Variants in PRKCQ observed in about 807,000 individuals in gnomAD.
PRKCQ encodes the protein protein kinase C theta type.
In PRKCQ, 41 loss-of-function variants were observed where a neutral mutation model predicts 91.2. The ratio of observed to expected loss-of-function variants is 0.45; its 90% CI spans 0.35 to 0.58. The LOEUF (loss-of-function observed/expected upper bound fraction) is 0.58, where lower values mean the gene tolerates loss of function less well. PRKCQ is among the 20% of genes least tolerant of loss of function. The pLI, the probability that PRKCQ is intolerant of heterozygous loss-of-function variation, is 0.00. For missense variants in PRKCQ, 673 were observed against 896.5 expected (o/e 0.75, Z 3.18); for synonymous variants, 307 against 316.9 (o/e 0.97, Z 0.33).
chr10:6,547,126 C>T (rs545701986), intron 1 of PRKCQ, among the ~76,000 whole-genome samples: 5 of 152,232 alleles, frequency 3.3e-5, no homozygotes, highest in South Asian at 4.2e-4. Context: ...CTGCTGGATT[C>T]GGTTTGCCAG....
At chr10:6,533,818 C>T (rs1839478388) in intron 1 of PRKCQ, among the ~76,000 whole-genome samples, 1 of 152,100 alleles carries the variant, frequency 6.6e-6, no homozygotes, top group South Asian at 2.1e-4. Context: ...ACTGTGTCTA[C>T]CAGCTAAAAC....
intron 1 of PRKCQ, among the ~76,000 whole-genome samples, chr10:6,572,497 C>A (rs2005326): frequency 0.47 from 70,955 of 152,036 alleles, 20,245 homozygotes; most frequent in Non-Finnish European, 0.62. Context: ...CAGTTTTCTG[C>A]TCCTGTGTTA....
chr10:6,475,268 T>TC (rs1334830432), intron 12 of PRKCQ, among the ~76,000 whole-genome samples: 1 of 152,196 alleles, frequency 6.6e-6, no homozygotes, highest in East Asian at 1.9e-4. Flanking sequence ...TCCCAGCCCC[T>TC]CTGCCTGTAA....
chr10:6,552,989 T>C (rs771864257), intron 1 of PRKCQ, among the ~76,000 whole-genome samples: 8 of 152,138 alleles, frequency 5.3e-5, no homozygotes, highest in Non-Finnish European at 1.5e-5. Context: ...GCAAAAAACA[T>C]TGAAAAAAAG....
intron 1 of PRKCQ, among the ~76,000 whole-genome samples, chr10:6,566,701 C>A (rs551039864): frequency 3.3e-5 from 5 of 152,082 alleles, no homozygotes; most frequent in African/African-American, 1.2e-4. Flanking sequence ...TCGATTACTG[C>A]AAGAAAACAG....
At chr10:6,431,019 A>G (rs1588642682) in intron 16 of PRKCQ, 81 bp from the exon 17 acceptor site, 1 of 1,509,312 alleles carries the variant, frequency 6.6e-7, no homozygotes, top group African/African-American at 1.4e-5. Context: ...TTCCTGGTGC[A>G]CCAGCCCCTT....
intron 1 of PRKCQ, among the ~76,000 whole-genome samples, chr10:6,572,233 TTTTTA>T (rs1379188962): frequency 2.6e-5 from 4 of 152,164 alleles, no homozygotes; most frequent in Non-Finnish European, 4.4e-5. Context: ...TTAATTTTTA[TTTTTA>T]TTTTAAGTTC....
the PRKCQ span, among the ~76,000 whole-genome samples, chr10:6,397,912 C>T: frequency 2.0e-5 from 3 of 151,964 alleles, no homozygotes; most frequent in South Asian, 2.1e-4. Context: ...GCAACAAGCA[C>T]GAGACTCCGT....
intron 1 of PRKCQ, among the ~76,000 whole-genome samples, chr10:6,543,324 C>A (rs1839836889): frequency 6.6e-6 from 1 of 152,214 alleles, no homozygotes; most frequent in Non-Finnish European, 1.5e-5. Flanking sequence ...CACAGGCTTC[C>A]CTTAGCTTTC....
intron 4 of PRKCQ, among the ~76,000 whole-genome samples, chr10:6,505,518 TTTTC>T (rs71391844): frequency 0.14 from 15,697 of 110,604 alleles, 1,136 homozygotes; most frequent in Middle Eastern, 0.28. Context: ...CCTTCCTTCC[TTTTC>T]TTTCTTTCTT....
intron 1 of PRKCQ, 121 bp from the exon 2 acceptor site, chr10:6,515,265 T>C (rs1838702637): frequency 6.5e-7 from 1 of 1,549,416 alleles, no homozygotes; most frequent in East Asian, 2.4e-5. Context: ...AGGTCCACTA[T>C]CCATGTGAAC....
chr10:6,568,799 GT>G (rs1588433947), intron 1 of PRKCQ, among the ~76,000 whole-genome samples: 1 of 152,058 alleles, frequency 6.6e-6, no homozygotes, highest in Non-Finnish European at 1.5e-5. Flanking sequence ...CGCCCGGCCA[GT>G]TTAATCTTTT....
chr10:6,415,680 T>C, the PRKCQ span, among the ~76,000 whole-genome samples: 133 of 151,726 alleles, frequency 8.8e-4, no homozygotes, highest in Admixed American at 1.6e-3. Context: ...CTGGGATTGT[T>C]TGGGTCAAAT....
At chr10:6,562,773 C>T (rs1189206690) in intron 1 of PRKCQ, among the ~76,000 whole-genome samples, 3 of 152,082 alleles carry the variant, frequency 2.0e-5, no homozygotes, top group African/African-American at 7.2e-5. Flanking sequence ...TGGCTTTAAA[C>T]AAGCTATTTA....
rs370703516 is a variant in PRKCQ at position 6,441,931 on chromosome 10, G to A, written c.1798C>T (p.Arg600Trp). The A allele has an allele frequency of 1.9e-5, 31 of 1,611,356 alleles. No individual in the cohort carries two copies. The highest frequency in any genetic ancestry group is 3.3e-5 in the South Asian group (3 of 90,908). ...SIRMDNPFYP[R>W]WLEKEAKDLL... ...TCCTTTGCTTCCTTCTCCAGCCACC[G>A]TGGGTAAAAGGGATTGTCCATGCGG... Residue 600 changes from arginine (R) to tryptophan (W), a missense_variant, in exon 16 of 18, where the codon CGG becomes TGG. Transcript: ENST00000263125.
chr10:6,529,290 G>A (rs901347803), intron 1 of PRKCQ, among the ~76,000 whole-genome samples: 3 of 152,188 alleles, frequency 2.0e-5, no homozygotes, highest in Non-Finnish European at 4.4e-5. Flanking sequence ...CCTTCTGTAG[G>A]AGTAAATGGA....
rs908139682 is a variant in PRKCQ, at chr10:6,506,895, T to G, written c.379+541A>C. 3.9e-5 allele frequency among the ~76,000 whole-genome samples: 6 copies of G among 152,254 alleles called. No individual in the cohort carries two copies. The South Asian group carries it at 1.2e-3, about 31-fold the overall frequency. ...ACATCGTACCGGGAAATTTCACTTC[T>G]GTGGCCAAAGTCCACATGTAACATG... On this transcript the variant is annotated intron_variant, in intron 4 of 17. Transcript: ENST00000263125.
At chr10:6,493,362 T>C (rs1361536612) in intron 7 of PRKCQ, among the ~76,000 whole-genome samples, 6 of 152,256 alleles carry the variant, frequency 3.9e-5, no homozygotes, top group African/African-American at 7.2e-5. Flanking sequence ...AAATGTATTA[T>C]TAAAATTAAT....
chr10:6,525,133 G>T (rs1022352153), intron 1 of PRKCQ, among the ~76,000 whole-genome samples: 1 of 150,934 alleles, frequency 6.6e-6, no homozygotes, highest in Admixed American at 6.6e-5. Context: ...AATGACTATG[G>T]ATTTATTTTA....
Sources: gnomAD v4.1 joint callset for allele counts (sites outside exome capture counted in the v4.1 genomes callset) on GRCh38, gnomAD v4.1.1 for gene constraint, MANE v1.5 for transcripts, NCBI Gene and HGNC (gene_info 2026-07-23, HGNC 2026-07-21) for gene names.